Variants in SACM1L observed in about 807,000 individuals in gnomAD.
SACM1L encodes phosphatidylinositol-3-phosphatase SAC1.
SACM1L carries 32 observed loss-of-function variants against 89.5 expected under a neutral mutation model. That is an observed-to-expected ratio of 0.36 (90% confidence interval 0.27 to 0.48). SACM1L has a LOEUF of 0.48. Among genes scored for constraint, SACM1L ranks in the 20% least tolerant of loss-of-function variants. The pLI is 0.99. For synonymous variants in SACM1L, 213 were observed against 232.8 expected (o/e 0.92, Z 0.77); for missense variants, 543 against 708.5 (o/e 0.77, Z 2.65).
At chr3:45,727,875 G>A (rs1478487119) in intron 11 of SACM1L, among the ~76,000 whole-genome samples, 2 of 152,164 alleles carry the variant, frequency 1.3e-5, no homozygotes, top group African/African-American at 4.8e-5. Context: ...GATTACAGGC[G>A]TGAGCCACTG....
At chr3:45,689,589 C>T (rs1191066008) in intron 1 of SACM1L, 92 bp downstream of exon 1, 6 of 1,413,740 alleles carry the variant, frequency 4.2e-6, no homozygotes, top group African/African-American at 2.8e-5. Flanking sequence ...TCCCGGATTG[C>T]AGATAGGGTG....
intron 5 of SACM1L, among the ~76,000 whole-genome samples, chr3:45,712,520 G>A (rs1244566462): frequency 6.6e-6 from 1 of 152,318 alleles, no homozygotes; most frequent in Admixed American, 6.5e-5. Context: ...ATAGGCATGA[G>A]CCACCACGTC....
rs1011082909 is a variant in SACM1L at position 45,714,066 on chromosome 3, A to G, written c.564A>G (p.Pro188=). The change falls in exon 7 of 20, where the codon CCA becomes CCG. Residue 188 remains proline, a synonymous_variant. Coordinates refer to ENST00000389061, the MANE Select transcript of SACM1L (RefSeq NM_014016.5). The part of the protein sequence containing the change: ...AQPEVHRFAL[P]VLHGFITMHS... ...TTCAGGTTCATCGGTTTGCCCTTCC[A>G]GTGTTACATGGCTGTATCCTTACAT... The G allele has an allele frequency of 3.5e-5, 55 of 1,552,274 alleles. No individual in the cohort carries two copies. Among genetic ancestry groups the G allele is most frequent in the Admixed American group, 1.2e-4 (7 of 57,888 alleles).
At position 45,737,664 on chromosome 3, in the gene SACM1L, C is replaced by A. The variant is rs371442116; in HGVS notation, c.1309+12C>A. ...GATTTACAAAAATGGTAGGTCATTT[C>A]TTTAATATAGACAAAGTTGGTCAGA... On this transcript the variant is annotated intron_variant, in intron 15 of 19. Coordinates refer to ENST00000389061, the MANE Select transcript of SACM1L (RefSeq NM_014016.5). 6 of 1,586,890 alleles carry A rather than the reference C, an allele frequency of 3.8e-6. No individual in the cohort carries two copies. Among genetic ancestry groups the A allele is most frequent in the Non-Finnish European group, 5.1e-6 (6 of 1,168,984 alleles).
intron 11 of SACM1L, among the ~76,000 whole-genome samples, chr3:45,724,115 G>C (rs1698854641): frequency 6.6e-6 from 1 of 152,002 alleles, no homozygotes; most frequent in Non-Finnish European, 1.5e-5. Context: ...TTGAGTCCCT[G>C]TTTTCAGTTC....
intron 3 of SACM1L, 100 bp downstream of exon 3, chr3:45,705,309 A>ACTTTACTT: frequency 3.0e-6 from 2 of 663,622 alleles, no homozygotes; most frequent in Non-Finnish European, 5.3e-6. Context: ...ACTTTGTATC[A>ACTTTACTT]TGCTTTAAGC....
rs1699172330 is a variant in SACM1L at position 45,735,232 on chromosome 3, T to A, written c.1101-3T>A. On this transcript the variant is annotated splice_region_variant and splice_polypyrimidine_tract_variant and intron_variant, in intron 13 of 19. Coordinates refer to ENST00000389061, the MANE Select transcript of SACM1L (RefSeq NM_014016.5). The stretch of plus-strand genomic sequence containing the variant: ...TGAGAGTGTTTATACAAATATGTTT[T>A]AGTTATTTTCTAGTGGACTCTGCTG... 2 of 1,603,950 alleles carry A rather than the reference T, an allele frequency of 1.2e-6. No homozygotes were observed. The highest frequency in any genetic ancestry group is 1.7e-6 in the Non-Finnish European group (2 of 1,177,418).
At chr3:45,705,664 G>A (rs1457336385) in intron 3 of SACM1L, among the ~76,000 whole-genome samples, 3 of 151,830 alleles carry the variant, frequency 2.0e-5, no homozygotes, top group Admixed American at 6.6e-5. Context: ...CACCACACTC[G>A]GCTAATTTGT....
chr3:45,742,152 T>G (rs1229306241), intron 19 of SACM1L, among the ~76,000 whole-genome samples: 1 of 152,246 alleles, frequency 6.6e-6, no homozygotes, highest in Non-Finnish European at 1.5e-5. Context: ...CTTTAGGGAG[T>G]GTCCAGCAGA....
chr3:45,709,709 A>G, intron 5 of SACM1L, 62 bp downstream of exon 5: 4 of 1,421,866 alleles, frequency 2.8e-6, no homozygotes, highest in Admixed American at 4.6e-5. Context: ...TCTCTGTTTC[A>G]TGCATAAAAA....
At chr3:45,706,748 A>G in intron 3 of SACM1L, 32 bp from the exon 4 acceptor site, 1 of 1,544,288 alleles carries the variant, frequency 6.5e-7, no homozygotes, top group Non-Finnish European at 8.8e-7. Context: ...TACTATTTTT[A>G]TAATTATGTG....
intron 8 of SACM1L, among the ~76,000 whole-genome samples, chr3:45,721,488 C>CTCCA (rs1372110357): frequency 1.3e-5 from 2 of 152,228 alleles, no homozygotes; most frequent in Non-Finnish European, 2.9e-5. Context: ...TGCCATTGCA[C>CTCCA]TCCAGCCTGG....
At chr3:45,706,666 TG>T in intron 3 of SACM1L, 113 bp from the exon 4 acceptor site, 1 of 759,914 alleles carries the variant, frequency 1.3e-6, no homozygotes, top group Non-Finnish European at 2.0e-6. Context: ...TTTATCTGAG[TG>T]GCACAATATA....
chr3:45,699,575 T>G (rs1026928182), intron 1 of SACM1L, among the ~76,000 whole-genome samples: 2 of 152,216 alleles, frequency 1.3e-5, no homozygotes, highest in Non-Finnish European at 2.9e-5. Context: ...TCGCCCAGGC[T>G]GGAATGCAAT....
chr3:45,718,748 C>G (rs1200620623), intron 7 of SACM1L, among the ~76,000 whole-genome samples: 1 of 152,084 alleles, frequency 6.6e-6, no homozygotes, highest in Non-Finnish European at 1.5e-5. Flanking sequence ...TATGCCAATT[C>G]CAAAGGCTTT....
chr3:45,724,514 G>A (rs1198853258), intron 11 of SACM1L, among the ~76,000 whole-genome samples: 1 of 152,080 alleles, frequency 6.6e-6, no homozygotes, highest in Non-Finnish European at 1.5e-5. Flanking sequence ...TGTTTGAGTT[G>A]TAGTCATTCT....
At position 45,744,764 on chromosome 3, in the gene SACM1L, G is replaced by A. The variant is rs1699389757; in HGVS notation, c.*1095G>A. The A allele has an allele frequency of 6.6e-6, 1 of 152,620 alleles. No homozygotes were observed. Among genetic ancestry groups the A allele is most frequent in the Non-Finnish European group, 1.5e-5 (1 of 68,042 alleles). 9.5% of individuals were successfully genotyped at this position (152,620 alleles called of 1,614,324 possible). ...TCGGAAACTGTGCATAGTTCTAATT[G>A]TAAGTCAGATTGTATATTCAAATTG... On this transcript the variant is annotated 3_prime_UTR_variant, in exon 20 of 20. Coordinates refer to ENST00000389061, the MANE Select transcript of SACM1L (RefSeq NM_014016.5).
At chr3:45,709,031 G>A (rs1207931670) in intron 4 of SACM1L, among the ~76,000 whole-genome samples, 4 of 152,204 alleles carry the variant, frequency 2.6e-5, no homozygotes, top group South Asian at 2.1e-4. Flanking sequence ...TCTTGAGAAT[G>A]TGGATGATGT....
At chr3:45,717,897 C>G (rs1241346556) in intron 7 of SACM1L, among the ~76,000 whole-genome samples, 1 of 152,100 alleles carries the variant, frequency 6.6e-6, no homozygotes, top group East Asian at 1.9e-4. Context: ...GCCTGGTTAG[C>G]AAAGCAAGAG....
Sources: allele counts gnomAD v4.1 joint callset (sites outside exome capture counted in the v4.1 genomes callset), GRCh38; gene constraint gnomAD v4.1.1; transcripts MANE v1.5; gene names NCBI Gene and HGNC (gene_info 2026-07-23, HGNC 2026-07-21).